DLC1: variants seen among roughly 807,000 people sequenced by gnomAD.
DLC1 encodes the protein rho GTPase-activating protein 7.
DLC1 carries 54 observed loss-of-function variants against 140.3 expected under a neutral mutation model. The ratio of observed to expected loss-of-function variants is 0.38; its 90% CI spans 0.31 to 0.48. The LOEUF (loss-of-function observed/expected upper bound fraction) is 0.48. Among genes scored for constraint, DLC1 ranks in the 20% least tolerant of loss-of-function variants. DLC1 has a pLI of 0.96. For missense variants in DLC1, 2,536 were observed against 1,907.0 expected, an observed-to-expected ratio of 1.33 and a Z score of -6.14; for synonymous variants, 986 against 728.1, an observed-to-expected ratio of 1.35 and a Z score of -5.70.
intron 5 of DLC1, among the ~76,000 whole-genome samples, chr8:13,137,421 C>T (rs1822653410): frequency 6.6e-6 from 1 of 152,142 alleles, no homozygotes; most frequent in South Asian, 2.1e-4. Context: ...AGCTTAGGGT[C>T]CTCTGAAAAT....
chr8:13,304,786 C>T (rs113230382), intron 5 of DLC1: 1 of 957,632 alleles, frequency 1.0e-6, no homozygotes, highest in African/African-American at 1.8e-5. Flanking sequence ...AATTAAAGCA[C>T]AGAACACAGA....
chr8:13,130,342 T>C lies in DLC1; in HGVS notation c.1349-14685A>G, dbSNP rs552144205. 3.0e-3 allele frequency among the ~76,000 whole-genome samples: 458 copies of C among 152,336 alleles called. 4 individuals carry two copies. Among genetic ancestry groups the C allele is most frequent in the African/African-American group, 0.011 (439 of 41,568 alleles). On this transcript the variant is annotated intron_variant, in intron 5 of 17. Coordinates refer to ENST00000276297, the MANE Select transcript of DLC1 (RefSeq NM_182643.3). Reference sequence around the variant, plus strand: ...TACAAATAAGAGTTTAAGTACTATATACATTTTTAAACTCACTTCACAGTA... The same window carrying C: ...TACAAATAAGAGTTTAAGTACTATACACATTTTTAAACTCACTTCACAGTA...
chr8:13,477,768 CAG>C (rs1369265046), intron 2 of DLC1, among the ~76,000 whole-genome samples: 2 of 151,878 alleles, frequency 1.3e-5, no homozygotes, highest in African/African-American at 4.8e-5. Flanking sequence ...ATTCCTACAC[CAG>C]TCATAGAGAA....
intron 5 of DLC1, among the ~76,000 whole-genome samples, chr8:13,122,831 G>A (rs376302113): frequency 6.7e-6 from 1 of 150,052 alleles, no homozygotes; most frequent in Non-Finnish European, 1.5e-5. Flanking sequence ...AGAAGCTTCT[G>A]GGAGACTGGT....
intron 1 of DLC1, among the ~76,000 whole-genome samples, chr8:13,549,867 A>G (rs1803784598): frequency 6.6e-6 from 1 of 152,164 alleles, no homozygotes; most frequent in Non-Finnish European, 1.5e-5. Context: ...CTTTATTTCT[A>G]TCCTTTCCAC....
chr8:13,093,935 A>T (rs562873125), intron 12 of DLC1, among the ~76,000 whole-genome samples: 4 of 152,256 alleles, frequency 2.6e-5, no homozygotes, highest in Non-Finnish European at 5.9e-5. Flanking sequence ...TAAGCTTTAC[A>T]TAAAAGTAAG....
intron 5 of DLC1, among the ~76,000 whole-genome samples, chr8:13,232,459 G>T (rs1829091892): frequency 6.6e-6 from 1 of 152,016 alleles, no homozygotes; most frequent in South Asian, 2.1e-4. Flanking sequence ...TCAGCCTCCT[G>T]AGTAGCTAGG....
At chr8:13,393,457 C>A in intron 4 of DLC1, 96 bp downstream of exon 4, 11 of 1,321,860 alleles carry the variant, frequency 8.3e-6, no homozygotes, top group Non-Finnish European at 1.1e-5. Context: ...GCTAAGATTC[C>A]AACAGTATTT....
chr8:13,590,935 TTTA>T (rs1183577992), intron 1 of DLC1, among the ~76,000 whole-genome samples: 2 of 152,106 alleles, frequency 1.3e-5, no homozygotes, highest in Non-Finnish European at 1.5e-5. Context: ...ATCAAAATAT[TTTA>T]TATTTTTGCT....
At chr8:13,142,993 A>G (rs1029220215) in intron 5 of DLC1, among the ~76,000 whole-genome samples, 1 of 151,508 alleles carries the variant, frequency 6.6e-6, no homozygotes, top group Non-Finnish European at 1.5e-5. Context: ...CGGTGAGCCA[A>G]GATTGTGCCG....
At chr8:13,245,016 C>G (rs962929991) in intron 5 of DLC1, among the ~76,000 whole-genome samples, 2 of 152,098 alleles carry the variant, frequency 1.3e-5, no homozygotes, top group Non-Finnish European at 2.9e-5. Context: ...TTTTTCCACC[C>G]CTTATGTTAA....
chr8:13,425,449 C>G (rs1268958348), intron 2 of DLC1, among the ~76,000 whole-genome samples: 1 of 152,152 alleles, frequency 6.6e-6, no homozygotes, highest in Non-Finnish European at 1.5e-5. Context: ...AATGATGCTG[C>G]TAACACTCAC....
intron 1 of DLC1, among the ~76,000 whole-genome samples, chr8:13,601,177 T>C (rs951970433): frequency 5.9e-5 from 9 of 151,762 alleles, no homozygotes; most frequent in African/African-American, 2.2e-4. Flanking sequence ...TGTCAAGGAG[T>C]TCTAATACAA....
At chr8:13,254,885 G>A (rs1215419818) in intron 5 of DLC1, among the ~76,000 whole-genome samples, 4 of 152,174 alleles carry the variant, frequency 2.6e-5, no homozygotes, top group Non-Finnish European at 5.9e-5. Flanking sequence ...TAAGGGCACC[G>A]ATCCTGGAAA....
chr8:13,353,631 C>G (rs745405953), intron 4 of DLC1: 1 of 152,076 alleles, frequency 6.6e-6, no homozygotes, highest in Non-Finnish European at 1.5e-5. Context: ...CAGAGACGGG[C>G]GGCTCACCTG....
chr8:13,208,861 TG>T (rs1827801285), intron 5 of DLC1, among the ~76,000 whole-genome samples: 1 of 152,018 alleles, frequency 6.6e-6, no homozygotes, highest in South Asian at 2.1e-4. Flanking sequence ...AAATAAAAAA[TG>T]TTTCTATCAG....
rs111860704 is a variant in DLC1 at position 13,464,103 on chromosome 8, G to A, written c.1023+34946C>T. Among the ~76,000 whole-genome samples, 612 of 152,298 alleles carry A rather than the reference G, an allele frequency of 4.0e-3. 3 individuals carry two copies. The highest frequency in any genetic ancestry group is 7.5e-3 in the Non-Finnish European group (510 of 68,014). The stretch of plus-strand genomic sequence containing the variant: ...GGGCTGAGGCCGGGGGAAACCAGCA[G>A]GGTTGTTGTTGGATTTCTTGGAGGA... On this transcript the variant is annotated intron_variant, in intron 2 of 17. Transcript: ENST00000276297.
chr8:13,229,639 AAGAG>A (rs1828953783), intron 5 of DLC1, among the ~76,000 whole-genome samples: 1 of 151,152 alleles, frequency 6.6e-6, no homozygotes. Flanking sequence ...GAGAAGAAGG[AAGAG>A]AGAGAGAAAG....
chr8:13,301,574 A>G (rs146954908), intron 5 of DLC1, among the ~76,000 whole-genome samples: 1 of 152,326 alleles, frequency 6.6e-6, no homozygotes, highest in Admixed American at 6.5e-5. Context: ...TGAGGAAGTT[A>G]AGTGACTTGC....
Sources: gnomAD v4.1 joint callset for allele counts (sites outside exome capture counted in the v4.1 genomes callset) on GRCh38, gnomAD v4.1.1 for gene constraint, MANE v1.5 for transcripts, NCBI Gene and HGNC (gene_info 2026-07-23, HGNC 2026-07-21) for gene names.